GPX4: variants seen among roughly 807,000 people sequenced by gnomAD.
GPX4 encodes the protein glutathione peroxidase 4.
GPX4 carries 28 observed loss-of-function variants against 27.8 expected under a neutral mutation model. The ratio of observed to expected loss-of-function variants is 1.01; its 90% CI spans 0.75 to 1.38. The LOEUF is 1.38. Among genes scored for constraint, GPX4 ranks in the 40% most tolerant of loss-of-function variants. The pLI is 0.00. For synonymous variants in GPX4, 163 were observed against 107.8 expected (o/e 1.51, Z -3.17); for missense variants, 357 against 274.1 (o/e 1.30, Z -2.14).
In GPX4 at chr19:1,106,419, G is replaced by C; in HGVS notation, c.521G>C (p.Gly174Ala). 6.2e-7 allele frequency: 1 copy of C among 1,613,476 alleles called. No individual in the cohort carries two copies. Among genetic ancestry groups the C allele is most frequent in the Non-Finnish European group, 8.5e-7 (1 of 1,179,918 alleles). Residue 174 changes from glycine (G) to alanine (A), a missense_variant, in exon 6 of 7, where the codon GGC becomes GCC. Physicochemically the swap from Gly to Ala is moderately conservative, Grantham distance 60. Coordinates refer to ENST00000354171, the MANE Select transcript of GPX4 (RefSeq NM_002085.5). ...NFTKFLIDKNGCVVKRYGPME... is the reference protein window; with the variant it reads ...NFTKFLIDKNACVVKRYGPME... Reference sequence around the variant, plus strand: ...CCACAGTTCCTCATCGACAAGAACGGCTGCGTGGTGAAGCGCTACGGACCC... The same window carrying C: ...CCACAGTTCCTCATCGACAAGAACGCCTGCGTGGTGAAGCGCTACGGACCC...
chr19:1,106,532 C>T lies in GPX4; in HGVS notation c.562-8C>T. 6.2e-7 allele frequency: 1 copy of T among 1,613,096 alleles called. No individual in the cohort carries two copies. The highest frequency in any genetic ancestry group is 8.5e-7 in the Non-Finnish European group (1 of 1,179,634). ...TAGCTGCCCTAACCCAGCTTTCCTC[C>T]CCGACAGGTGATAGAGAAGGACCTG... On this transcript the variant is annotated splice_polypyrimidine_tract_variant and splice_region_variant and intron_variant, in intron 6 of 6. Coordinates refer to ENST00000354171, the MANE Select transcript of GPX4 (RefSeq NM_002085.5).
In GPX4 at chr19:1,104,672, C is replaced by T. The variant is rs559148315; in HGVS notation, c.85-514C>T. The stretch of plus-strand genomic sequence containing the variant: ...CGCAGTCCTGACTACGGCCTCCGGG[C>T]CCTTTGTCCCCGCTAGCGGCGCTCG... On this transcript the variant is annotated intron_variant, in intron 1 of 6. Transcript: ENST00000354171. 705 of 984,688 alleles carry T rather than the reference C, an allele frequency of 7.2e-4. 9 individuals carry two copies. The African/African-American group carries it at 0.012, about 16-fold the overall frequency. The allele number at this position is 984,688 out of a possible 1,614,324, so 61.0% of individuals were successfully genotyped here. A position where few individuals can be genotyped will look rare whatever the true frequency, so the allele number is the denominator to read the frequency against.
chr19:1,105,348 C>T lies in GPX4; in HGVS notation c.180-18C>T, dbSNP rs765611709. The stretch of plus-strand genomic sequence containing the variant: ...AGGGGGCCGTGTTCTTCTGCGCTGA[C>T]GCCGCCGATCCTCGCAGGGGCTTCG... On this transcript the variant is annotated intron_variant, in intron 2 of 6. Transcript: ENST00000354171. 5.0e-6 allele frequency: 8 copies of T among 1,611,544 alleles called. No homozygotes were observed. The South Asian group carries it at 8.8e-5, about 18-fold the overall frequency.
intron 2 of GPX4, 38 bp from the exon 3 acceptor site, chr19:1,105,328 G>A (rs370119671): frequency 4.7e-5 from 75 of 1,612,360 alleles, no homozygotes; most frequent in Non-Finnish European, 6.3e-5. Context: ...CTGGGAGGGG[G>A]CCGTGTTCTT....
chr19:1,105,967 G>A (rs1599810271), intron 4 of GPX4, 158 bp downstream of exon 4: 3 of 903,384 alleles, frequency 3.3e-6, no homozygotes, highest in Non-Finnish European at 5.0e-6. Flanking sequence ...GGGTAAGATG[G>A]CTCAGGGGGA....
In GPX4 at chr19:1,105,651, G is replaced by T. The variant is rs1429010481; in HGVS notation, c.325-7G>T. ...CCCGACTCACTCACACACCTTGGCC[G>T]CCACAGGAGCCAGGGAGTAACGAAG... is the stretch of plus-strand genomic sequence containing the variant. On this transcript the variant is annotated splice_polypyrimidine_tract_variant and splice_region_variant and intron_variant, in intron 3 of 6. Transcript: ENST00000354171. The T allele has an allele frequency of 6.2e-7, 1 of 1,611,796 alleles. No homozygotes were observed. Among genetic ancestry groups the T allele is most frequent in the Non-Finnish European group, 8.5e-7 (1 of 1,179,250 alleles).
At chr19:1,104,512 C>G in intron 1 of GPX4, 1 of 481,736 alleles carries the variant, frequency 2.1e-6, no homozygotes, top group South Asian at 8.8e-5. Flanking sequence ...AGGGCCACGG[C>G]GGGGCGTCTC....
chr19:1,106,135 G>A (rs2145169758), intron 4 of GPX4, 107 bp from the exon 5 acceptor site: 2 of 1,095,386 alleles, frequency 1.8e-6, no homozygotes, highest in African/African-American at 1.6e-5. Flanking sequence ...CTGTGGCTGT[G>A]GAGGCAGCCG....
chr19:1,105,457 G>A lies in GPX4; in HGVS notation c.271G>A (p.Ala91Thr), dbSNP rs536607574. 79 of 1,612,662 alleles carry A rather than the reference G, an allele frequency of 4.9e-5. No homozygotes were observed. In the South Asian group the frequency reaches 5.7e-4, roughly 12 times the overall value. Residue 91 changes from alanine to threonine, a missense_variant, in exon 3 of 7, where the codon GCT (alanine) becomes ACT (threonine). Transcript: ENST00000354171. ...TQLVDLHARY[A>T]ECGLRILAFP... Reference sequence around the variant, plus strand: ...GCTCGTCGACCTGCACGCCCGATACGCTGAGTGTGGTTTGCGGATCCTGGC... The same window carrying A: ...GCTCGTCGACCTGCACGCCCGATACACTGAGTGTGGTTTGCGGATCCTGGC...
intron 1 of GPX4, 168 bp from the exon 2 acceptor site, chr19:1,105,018 C>T (rs1302382339): frequency 2.1e-6 from 3 of 1,459,790 alleles, no homozygotes; most frequent in African/African-American, 2.8e-5. Context: ...AAAACCGGAC[C>T]AGAAGTACAA....
chr19:1,106,473 A>G lies in GPX4; in HGVS notation c.561+14A>G. ...GAGGAGCCCCTGGTAGGTCCTCTCT[A>G]GGGAGCCCGCTTGAGGCTCGGGGGC... On this transcript the variant is annotated intron_variant, in intron 6 of 6. Coordinates refer to ENST00000354171, the MANE Select transcript of GPX4 (RefSeq NM_002085.5). 6.2e-7 allele frequency: 1 copy of G among 1,611,846 alleles called. No individual in the cohort carries two copies. Among genetic ancestry groups the G allele is most frequent in the Non-Finnish European group, 8.5e-7 (1 of 1,178,984 alleles).
At chr19:1,104,269 C>T (rs2079622421) in intron 1 of GPX4, 142 bp downstream of exon 1, 2 of 716,704 alleles carry the variant, frequency 2.8e-6, no homozygotes, top group Middle Eastern at 4.1e-4. Context: ...TCCCCACCCC[C>T]GGCCGGGCAC....
rs1456366107 is a variant in GPX4 at position 1,106,760 on chromosome 19, G to C, written c.*188G>C. 2.9e-6 allele frequency: 2 copies of C among 678,512 alleles called. No individual in the cohort carries two copies. The highest frequency in any genetic ancestry group is 2.7e-5 in the East Asian group (1 of 36,368). 42.0% of individuals were successfully genotyped at this position (678,512 alleles called of 1,614,324 possible). On this transcript the variant is annotated 3_prime_UTR_variant, in exon 7 of 7. Coordinates refer to ENST00000354171, the MANE Select transcript of GPX4 (RefSeq NM_002085.5). ...CGCCCCCACCCCTGGCTACCTTGTG[G>C]GAATAAACAGACAAATTAGCCTGCT...
intron 4 of GPX4, 173 bp downstream of exon 4, chr19:1,105,982 G>A (rs575697870): frequency 3.7e-6 from 3 of 809,496 alleles, no homozygotes; most frequent in African/African-American, 1.7e-5. Context: ...GGGGGACATA[G>A]AGGGCTGTGG....
intron 1 of GPX4, chr19:1,104,918 T>C: frequency 1.4e-6 from 2 of 1,437,854 alleles, no homozygotes; most frequent in South Asian, 2.9e-5. Flanking sequence ...ATGTCCCAAG[T>C]CCCAGGACCC....
At chr19:1,106,492 C>T (rs1568537649) in intron 6 of GPX4, 33 bp downstream of exon 6, 20 of 1,611,784 alleles carry the variant, frequency 1.2e-5, no homozygotes, top group Middle Eastern at 1.7e-4. Context: ...GCTTGAGGCT[C>T]GGGGGCTTGG....
rs780178425 is a variant in GPX4 at position 1,104,836 on chromosome 19, G to A, written c.85-350G>A. 1.2e-5 allele frequency: 13 copies of A among 1,090,306 alleles called. No homozygotes were observed. Among genetic ancestry groups the A allele is most frequent in the African/African-American group, 1.0e-4 (6 of 60,082 alleles). 67.5% of individuals were successfully genotyped at this position (1,090,306 alleles called of 1,614,324 possible). ...CCCCTCGGCGGCGGAAGGCCCCAGC[G>A]TGCAGGCGCAGGAGGGCGCGGCGCC... On this transcript the variant is annotated intron_variant, in intron 1 of 6. Transcript: ENST00000354171.
At position 1,105,390 on chromosome 19, in the gene GPX4, C is replaced by T; in HGVS notation, c.204C>T (p.Asn68=). 1 of 1,610,540 alleles carries T rather than the reference C, an allele frequency of 6.2e-7. No individual in the cohort carries two copies. Among genetic ancestry groups the T allele is most frequent in the East Asian group, 2.2e-5 (1 of 44,816 alleles). The change falls in exon 3 of 7, where the codon AAC becomes AAT. Residue 68 remains asparagine (N), a synonymous_variant. Coordinates refer to ENST00000354171, the MANE Select transcript of GPX4 (RefSeq NM_002085.5). ...GGGGCTTCGTGTGCATCGTCACCAA[C>T]GTGGCCTCCCAGTGAGGCAAGACCG... ...KYRGFVCIVT[N]VASQUGKTEV... is the part of the protein sequence containing the mutation.
chr19:1,105,367 G>A lies in GPX4; in HGVS notation c.181G>A (p.Gly61Ser), dbSNP rs770775625. ...GHMVNLDKYR[G>S]FVCIVTNVAS... ...CGCTGACGCCGCCGATCCTCGCAGG[G>A]GCTTCGTGTGCATCGTCACCAACGT... Residue 61 changes from glycine (G) to serine (S), a missense_variant and splice_region_variant, in exon 3 of 7, where the codon GGC becomes AGC. Gly to Ser is a moderately conservative substitution (Grantham distance 56). Coordinates refer to ENST00000354171, the MANE Select transcript of GPX4 (RefSeq NM_002085.5). The A allele has an allele frequency of 6.8e-6, 11 of 1,610,802 alleles. No homozygotes were observed. The South Asian group carries it at 9.9e-5, about 14-fold the overall frequency.
Sources: allele counts gnomAD v4.1 joint callset, GRCh38; gene constraint gnomAD v4.1.1; transcripts MANE v1.5; gene names NCBI Gene and HGNC (gene_info 2026-07-23, HGNC 2026-07-21).